Variants in ARHGEF6 observed in about 807,000 individuals in gnomAD.
The protein encoded by ARHGEF6 is rho guanine nucleotide exchange factor 6.
ARHGEF6 carries 9 observed loss-of-function variants against 70.3 expected under a neutral mutation model. The observed-to-expected ratio is 0.13, with a 90% CI of 0.08 to 0.22. The LOEUF is 0.22. Ranked by LOEUF, ARHGEF6 falls within the 10% of genes least tolerant of loss-of-function variation. The pLI is 1.00. For missense variants in ARHGEF6, 470 were observed against 563.0 expected (o/e 0.83, Z 1.67); for synonymous variants, 201 against 207.8 (o/e 0.97, Z 0.28).
intron 2 of ARHGEF6, among the ~76,000 whole-genome samples, chrX:136,758,207 C>T (rs1464995555): frequency 7.5e-5 from 8 of 106,120 alleles, no homozygotes; most frequent in African/African-American, 2.7e-4. Flanking sequence ...CGTGCCACCA[C>T]GCCCGGCTAA....
chrX:136,682,578 T>C (rs1383188945), intron 13 of ARHGEF6, among the ~76,000 whole-genome samples, 180 bp downstream of exon 13: 1 of 112,352 alleles, frequency 8.9e-6, no homozygotes. Context: ...ATTATACTAA[T>C]ACAAAGGTCT....
intron 6 of ARHGEF6, among the ~76,000 whole-genome samples, chrX:136,723,460 A>T (rs1026939510): frequency 9.8e-5 from 11 of 111,747 alleles, no homozygotes; most frequent in Admixed American, 3.8e-4. Flanking sequence ...CTCTTTGTCC[A>T]TCTGTGTTGT....
chrX:136,742,990 AGAG>A (rs773830061), intron 5 of ARHGEF6, among the ~76,000 whole-genome samples: 5 of 111,076 alleles, frequency 4.5e-5, no homozygotes, highest in Non-Finnish European at 7.5e-5. Context: ...AATTAAAAAA[AGAG>A]AGAGAGAGAA....
rs889113557 is a variant in ARHGEF6, at chrX:136,698,590, G to A, written c.1047-7842C>T. Reference sequence around the variant, plus strand: ...CTCATCAGAATCTTGGAGGCCAGAAGGCAGTGGGATGACATACTCAAAGTA... The same window carrying A: ...CTCATCAGAATCTTGGAGGCCAGAAAGCAGTGGGATGACATACTCAAAGTA... On this transcript the variant is annotated intron_variant, in intron 9 of 21. Coordinates refer to ENST00000250617, the MANE Select transcript of ARHGEF6 (RefSeq NM_004840.3). 8.3e-4 allele frequency among the ~76,000 whole-genome samples: 93 copies of A among 111,972 alleles called. 3 individuals are homozygous for A. The highest frequency in any genetic ancestry group is 3.8e-5 in the Non-Finnish European group (2 of 53,198).
At chrX:136,766,835 C>A (rs2077319211) in intron 2 of ARHGEF6, among the ~76,000 whole-genome samples, 4 of 112,729 alleles carry the variant, frequency 3.5e-5, no homozygotes, top group Admixed American at 1.9e-4. Flanking sequence ...GTACTGTTGA[C>A]TCCTGCTCTG....
chrX:136,735,594 T>C (rs1240024843), intron 5 of ARHGEF6, among the ~76,000 whole-genome samples: 2 of 111,629 alleles, frequency 1.8e-5, no homozygotes, highest in Non-Finnish European at 1.9e-5. Flanking sequence ...TCAGTCAATA[T>C]AGTGAAGAAT....
At chrX:136,690,382 G>A (rs1053766569) in intron 10 of ARHGEF6, among the ~76,000 whole-genome samples, 3 of 110,952 alleles carry the variant, frequency 2.7e-5, no homozygotes, top group South Asian at 3.9e-4. Context: ...AGAGAAGAGC[G>A]AAAAGGGAGA....
intron 2 of ARHGEF6, among the ~76,000 whole-genome samples, chrX:136,757,339 C>G (rs1394579211): frequency 1.8e-5 from 2 of 112,415 alleles, no homozygotes; most frequent in Admixed American, 9.4e-5. Context: ...GGCAATCTAG[C>G]CTGTCACGCT....
intron 6 of ARHGEF6, among the ~76,000 whole-genome samples, chrX:136,714,232 C>T (rs745666761): frequency 9.0e-6 from 1 of 111,447 alleles, no homozygotes; most frequent in East Asian, 2.8e-4. Flanking sequence ...GTTCTAGGGT[C>T]ATGTCACAAC....
At chrX:136,682,725 G>A (rs771539303) in intron 13 of ARHGEF6, 33 bp downstream of exon 13, 14 of 1,117,919 alleles carry the variant, frequency 1.3e-5, no homozygotes, top group Non-Finnish European at 1.7e-5. Context: ...TCGTTAGGGG[G>A]TCTGCTATGT....
chrX:136,713,493 A>G, intron 6 of ARHGEF6, 123 bp from the exon 7 acceptor site: 1 of 501,549 alleles, frequency 2.0e-6, no homozygotes, highest in East Asian at 3.5e-5. Flanking sequence ...TACCATTGCA[A>G]GCAAGGAACA....
At chrX:136,668,533 C>CTTATTATTATTATTATTA (rs58182405) in intron 21 of ARHGEF6, among the ~76,000 whole-genome samples, 5 of 98,464 alleles carry the variant, frequency 5.1e-5, no homozygotes, top group African/African-American at 1.9e-4. Context: ...TCTTCTTCTT[C>CTTATTATTATTATTATTA]TTATTATTAT....
In ARHGEF6 at chrX:136,685,843, C is replaced by T. The variant is rs750972929; in HGVS notation, c.1246-20G>A. On this transcript the variant is annotated intron_variant, in intron 11 of 21. Coordinates refer to ENST00000250617, the MANE Select transcript of ARHGEF6 (RefSeq NM_004840.3). ...TTGCCCCTACAGAACCAAAGCAGAACATAATGGAATAGGAATTCTTATGAA... is the reference window on the plus strand; with the variant it reads ...TTGCCCCTACAGAACCAAAGCAGAATATAATGGAATAGGAATTCTTATGAA... The T allele has an allele frequency of 4.5e-5, 54 of 1,204,834 alleles. No homozygotes were observed. The highest frequency in any genetic ancestry group is 4.6e-5 in the Non-Finnish European group (41 of 891,204).
At chrX:136,755,507 G>A (rs2077196842) in intron 2 of ARHGEF6, among the ~76,000 whole-genome samples, 1 of 111,508 alleles carries the variant, frequency 9.0e-6, no homozygotes, top group Non-Finnish European at 1.9e-5. Flanking sequence ...AAGATTTAGG[G>A]TAGGAGCCCC....
chrX:136,714,617 G>A (rs868174385), intron 6 of ARHGEF6, among the ~76,000 whole-genome samples: 1 of 111,570 alleles, frequency 9.0e-6, no homozygotes, highest in Non-Finnish European at 1.9e-5. Context: ...AAGTGTATTA[G>A]CCTACCAATA....
intron 6 of ARHGEF6, among the ~76,000 whole-genome samples, chrX:136,717,375 C>T (rs1218857483): frequency 1.8e-5 from 2 of 111,227 alleles, no homozygotes; most frequent in East Asian, 2.8e-4. Context: ...TGAAATTATC[C>T]TTCAAAAGTG....
At chrX:136,742,191 C>T (rs1013491235) in intron 5 of ARHGEF6, among the ~76,000 whole-genome samples, 7 of 111,296 alleles carry the variant, frequency 6.3e-5, no homozygotes, top group African/African-American at 2.3e-4. Flanking sequence ...TGGTGGCAGG[C>T]GCCTGTAGTC....
intron 2 of ARHGEF6, among the ~76,000 whole-genome samples, chrX:136,752,082 T>C (rs963868333): frequency 9.0e-6 from 1 of 111,588 alleles, no homozygotes; most frequent in African/African-American, 3.3e-5. Context: ...AGAGAAAAAA[T>C]GAAAAAGCAA....
At chrX:136,747,238 T>C (rs748999299) in intron 3 of ARHGEF6, among the ~76,000 whole-genome samples, 4 of 111,499 alleles carry the variant, frequency 3.6e-5, no homozygotes, top group Non-Finnish European at 7.5e-5. Context: ...TTTGTTATAC[T>C]CAGTTGGTGA....
Sources: allele counts gnomAD v4.1 joint callset (sites outside exome capture counted in the v4.1 genomes callset), GRCh38; gene constraint gnomAD v4.1.1; transcripts MANE v1.5; gene names NCBI Gene and HGNC (gene_info 2026-07-23, HGNC 2026-07-21).